Variants in KYNU observed in about 807,000 individuals in gnomAD.
The protein encoded by KYNU is L-kynurenine hydrolase.
In KYNU, 54 loss-of-function variants were observed where a neutral mutation model predicts 59.2. The observed-to-expected ratio is 0.91, with a 90% CI of 0.73 to 1.14. KYNU has a LOEUF of 1.14. Among genes scored for constraint, KYNU ranks in the 50% most tolerant of loss-of-function variants. The pLI, the probability that KYNU is intolerant of heterozygous loss-of-function variation, is 0.00. For missense variants in KYNU, 567 were observed against 554.4 expected (o/e 1.02, Z -0.23); for synonymous variants, 177 against 192.0 (o/e 0.92, Z 0.65).
Position 142,985,156 on chromosome 2 carries a change from G to T in KYNU, c.802G>T (p.Asp268Tyr). The T allele has an allele frequency of 6.2e-7, 1 of 1,608,646 alleles. No individual in the cohort carries two copies. Among genetic ancestry groups the T allele is most frequent in the Non-Finnish European group, 8.5e-7 (1 of 1,175,566 alleles). The change falls in exon 9 of 14, where the codon GAT becomes TAT. Residue 268 changes from aspartate (D) to tyrosine (Y), a missense_variant. Physicochemically the swap from Asp to Tyr is radical, Grantham distance 160. Coordinates refer to ENST00000264170, the MANE Select transcript of KYNU (RefSeq NM_003937.3). ...VELYLHDWGV[D>Y]FACWCSYKYL... ...ACTCTACTTACATGACTGGGGAGTT[G>T]ATTTTGCCTGCTGGTGTTCCTACAA... is the stretch of plus-strand genomic sequence containing the variant.
intron 4 of KYNU, among the ~76,000 whole-genome samples, chr2:142,953,786 A>G (rs1221400436): frequency 6.6e-6 from 1 of 152,230 alleles, no homozygotes; most frequent in East Asian, 1.9e-4. Context: ...TCCTTGACCC[A>G]ATAAAGATAC....
At chr2:142,892,154 T>G (rs958391357) in intron 2 of KYNU, among the ~76,000 whole-genome samples, 2 of 152,268 alleles carry the variant, frequency 1.3e-5, no homozygotes, top group African/African-American at 2.4e-5. Context: ...GCTCAAGTGA[T>G]CTGCCCATCT....
chr2:143,008,877 C>T (rs1253875753), intron 10 of KYNU, among the ~76,000 whole-genome samples: 1 of 29,532 alleles, frequency 3.4e-5, no homozygotes, highest in Non-Finnish European at 5.8e-5. Context: ...AAAGACACAA[C>T]ATACCAGAAT....
intron 3 of KYNU, among the ~76,000 whole-genome samples, chr2:142,923,416 A>G (rs1682947232): frequency 1.3e-5 from 2 of 152,196 alleles, no homozygotes; most frequent in Admixed American, 1.3e-4. Flanking sequence ...TTTTTGGGTG[A>G]TTATATTTAT....
chr2:142,906,090 C>G (rs1046200345), intron 2 of KYNU, among the ~76,000 whole-genome samples: 1 of 151,902 alleles, frequency 6.6e-6, no homozygotes, highest in Non-Finnish European at 1.5e-5. Context: ...CTCTCTCTCT[C>G]TCATCTCTGT....
In KYNU at chr2:143,048,904, T is replaced by C. The variant is rs1573929284; in HGVS notation, c.*6732T>C. ...AATGCTTTTACACTGTTAGTGGGAA[T>C]GTAAATTAGTTCAACCATTGCTCTT... On this transcript the variant is annotated 3_prime_UTR_variant, in exon 14 of 14. Coordinates refer to ENST00000264170, the MANE Select transcript of KYNU (RefSeq NM_003937.3). 1 of 152,194 alleles carries C rather than the reference T, an allele frequency of 6.6e-6. No homozygotes were observed. The highest frequency in any genetic ancestry group is 1.5e-5 in the Non-Finnish European group (1 of 68,028). 9.4% of individuals were successfully genotyped at this position (152,194 alleles called of 1,614,324 possible). A position where few individuals can be genotyped will look rare whatever the true frequency, so the allele number is the denominator to read the frequency against.
At chr2:142,885,597 GTTTA>G in intron 2 of KYNU, 61 bp downstream of exon 2, 1 of 1,344,848 alleles carries the variant, frequency 7.4e-7, no homozygotes, top group Non-Finnish European at 1.0e-6. Context: ...TACTGCATGT[GTTTA>G]TTATAATCTT....
chr2:142,960,859 G>C, intron 8 of KYNU, 89 bp downstream of exon 8: 1 of 1,329,414 alleles, frequency 7.5e-7, no homozygotes, highest in Non-Finnish European at 1.1e-6. Context: ...AAGTACTTTA[G>C]CTTGTGTCTG....
At chr2:142,933,902 T>C (rs1683303639) in intron 4 of KYNU, among the ~76,000 whole-genome samples, 1 of 151,894 alleles carries the variant, frequency 6.6e-6, no homozygotes, top group African/African-American at 2.4e-5. Context: ...GGCAAAGAGG[T>C]TTTGGGAATC....
intron 10 of KYNU, among the ~76,000 whole-genome samples, chr2:142,991,417 G>A (rs1685395818): frequency 6.6e-6 from 1 of 151,858 alleles, no homozygotes; most frequent in Admixed American, 6.6e-5. Flanking sequence ...AAATGAGATA[G>A]ACCAGTACCA....
At chr2:143,005,411 A>C (rs1359668595) in intron 10 of KYNU, among the ~76,000 whole-genome samples, 2 of 152,164 alleles carry the variant, frequency 1.3e-5, no homozygotes, top group Non-Finnish European at 2.9e-5. Context: ...CCCTGCTCAT[A>C]AGAGTTTCCA....
At position 143,050,083 on chromosome 2, in the gene KYNU, A is replaced by G. The variant is rs2104934440; in HGVS notation, c.*7911A>G. 1 of 148,152 alleles carries G rather than the reference A, an allele frequency of 6.7e-6. No homozygotes were observed. Among genetic ancestry groups the G allele is most frequent in the African/African-American group, 2.4e-5 (1 of 40,926 alleles). 9.2% of individuals were successfully genotyped at this position (148,152 alleles called of 1,614,324 possible). On this transcript the variant is annotated 3_prime_UTR_variant, in exon 14 of 14. Transcript: ENST00000264170. ...TATGAAATATATAATACAGTATAAA[A>G]TCTATTTTATGTAAAATCTATTTTA...
At chr2:143,036,975 C>G (rs1425639156) in intron 12 of KYNU, among the ~76,000 whole-genome samples, 1 of 151,996 alleles carries the variant, frequency 6.6e-6, no homozygotes, top group Non-Finnish European at 1.5e-5. Flanking sequence ...TAAATAAGAC[C>G]TTAGATTTTT....
At chr2:143,034,307 CCTT>C (rs1482903870) in intron 12 of KYNU, among the ~76,000 whole-genome samples, 3 of 151,926 alleles carry the variant, frequency 2.0e-5, no homozygotes, top group African/African-American at 4.8e-5. Context: ...TTTCATGTCT[CCTT>C]CTAAAATCAT....
At chr2:142,880,365 G>T (rs1681252301) in intron 1 of KYNU, among the ~76,000 whole-genome samples, 1 of 152,230 alleles carries the variant, frequency 6.6e-6, no homozygotes, top group African/African-American at 2.4e-5. Flanking sequence ...GAAGGATTCA[G>T]TGACTTGCAA....
chr2:142,918,582 T>A (rs990105893), intron 2 of KYNU, 27 bp from the exon 3 acceptor site: 27 of 1,507,420 alleles, frequency 1.8e-5, no homozygotes, highest in Middle Eastern at 2.3e-4. Flanking sequence ...ATTTTTTTTT[T>A]TTTTTTTGAC....
chr2:142,939,854 G>T (rs1257864686), intron 4 of KYNU, among the ~76,000 whole-genome samples: 38 of 152,316 alleles, frequency 2.5e-4, no homozygotes, highest in Non-Finnish European at 4.6e-4. Flanking sequence ...CAGGCTCAGT[G>T]TAGGACTTGA....
chr2:142,884,821 C>T (rs1681441991), intron 1 of KYNU, among the ~76,000 whole-genome samples: 1 of 149,864 alleles, frequency 6.7e-6, no homozygotes, highest in South Asian at 2.1e-4. Flanking sequence ...ATTCTCCTGC[C>T]TCAGCCTCCC....
chr2:142,915,634 T>C lies in KYNU; in HGVS notation c.170-2975T>C, dbSNP rs565386183. On this transcript the variant is annotated intron_variant, in intron 2 of 13. Coordinates refer to ENST00000264170, the MANE Select transcript of KYNU (RefSeq NM_003937.3). ...GCAATAAAGTGAGTTTTCAGAACCA[T>C]GAGCTTTATAGCAATCATACTGTAG... is the stretch of plus-strand genomic sequence containing the variant. Among the ~76,000 whole-genome samples the C allele has an allele frequency of 1.6e-3, 248 of 152,302 alleles. 2 individuals carry two copies. Among genetic ancestry groups the C allele is most frequent in the African/African-American group, 5.7e-3 (235 of 41,554 alleles).
Sources: allele counts gnomAD v4.1 joint callset (sites outside exome capture counted in the v4.1 genomes callset), GRCh38; gene constraint gnomAD v4.1.1; transcripts MANE v1.5; gene names NCBI Gene and HGNC (gene_info 2026-07-23, HGNC 2026-07-21).